Variants in SNRPN observed in about 807,000 individuals in gnomAD.
SNRPN encodes the protein small nuclear ribonucleoprotein-associated protein N.
SNRPN carries 7 observed loss-of-function variants against 25.2 expected under a neutral mutation model. The ratio of observed to expected loss-of-function variants is 0.28; its 90% CI spans 0.16 to 0.52. The LOEUF (loss-of-function observed/expected upper bound fraction) is 0.52, where lower values mean the gene tolerates loss of function less well. Ranked by LOEUF, SNRPN falls within the 20% of genes least tolerant of loss-of-function variation. The pLI is 0.96. For synonymous variants in SNRPN, 124 were observed against 110.6 expected, an observed-to-expected ratio of 1.12 and a Z score of -0.76; for missense variants, 196 against 322.5, an observed-to-expected ratio of 0.61 and a Z score of 3.00.
At chr15:24,877,582 T>C (rs1050498554) in intron 1 of SNRPN, among the ~76,000 whole-genome samples, 4 of 151,342 alleles carry the variant, frequency 2.6e-5, no homozygotes, top group Admixed American at 2.6e-4. Context: ...CCCAGCACTT[T>C]GGGAGGCCAA....
In SNRPN at chr15:24,864,133, TCTC is replaced by T. The variant is rs2054291701; in HGVS notation, c.-579+7420_-579+7422del. On this transcript the variant is annotated intron_variant, in intron 1 of 11. Coordinates refer to the SNRPN transcript ENST00000400097. The stretch of plus-strand genomic sequence containing the variant: ...GCTCCGCCTCCCGGGTTCACACTAT[TCTC>T]CTGCCTCAGCCTCCCAAGTAGCTGG... Among the ~76,000 whole-genome samples, 5 of 148,766 alleles carry T rather than the reference TCTC, an allele frequency of 3.4e-5. No individual in the cohort carries two copies. In the South Asian group the frequency reaches 1.0e-3, roughly 31 times the overall value.
chr15:24,976,362 G>A lies in SNRPN; in HGVS notation c.213G>A (p.Leu71=), dbSNP rs1490146254. The change falls in exon 6 of 10, where the codon TTG becomes TTA. Residue 71 remains leucine, a synonymous_variant. Transcript: ENST00000390687. ...AAAAGCGGGTTTTGGGTCTGGTGTT[G>A]CTGCGTGGGGAGAACTTGGTATCCA... is the stretch of plus-strand genomic sequence containing the variant. ...REEKRVLGLV[L]LRGENLVSMT... The A allele has an allele frequency of 1.4e-5, 23 of 1,613,144 alleles. No homozygotes were observed. The highest frequency in any genetic ancestry group is 1.9e-5 in the Non-Finnish European group (22 of 1,179,826).
chr15:24,922,995 T>C (rs1187672872), intron 3 of SNRPN, among the ~76,000 whole-genome samples: 1 of 135,484 alleles, frequency 7.4e-6, no homozygotes, highest in East Asian at 2.6e-4. Context: ...AACCTCCGCC[T>C]TCTGCATTGA....
intron 3 of SNRPN, among the ~76,000 whole-genome samples, chr15:24,940,643 A>G (rs763724365): frequency 3.9e-5 from 6 of 152,176 alleles, no homozygotes; most frequent in Non-Finnish European, 8.8e-5. Context: ...GACTACGTGC[A>G]GTGAGGAAGA....
upstream of SNRPN, among the ~76,000 whole-genome samples, chr15:24,952,320 T>C (rs1340910114): frequency 6.6e-6 from 1 of 152,190 alleles, no homozygotes; most frequent in Non-Finnish European, 1.5e-5. Context: ...GCAGTTTTAG[T>C]GTCCTTTAAG....
upstream of SNRPN, among the ~76,000 whole-genome samples, chr15:24,951,407 A>G (rs2062259351): frequency 6.6e-6 from 1 of 151,632 alleles, no homozygotes; most frequent in Non-Finnish European, 1.5e-5. Context: ...TGACTTAACG[A>G]TTGTGTCTTT....
At chr15:24,887,078 T>C (rs181394271) in intron 2 of SNRPN, among the ~76,000 whole-genome samples, 34 of 152,146 alleles carry the variant, frequency 2.2e-4, no homozygotes, top group Admixed American at 1.0e-3. Flanking sequence ...CCATCTTATC[T>C]TCTCCTTTGT....
At chr15:24,851,664 G>A (rs544705883), upstream of SNRPN, 1 of 152,390 alleles carries the variant, frequency 6.6e-6, no homozygotes, top group African/African-American at 2.4e-5. Flanking sequence ...TGTGCTGGTA[G>A]TTCAAATATC....
intron 1 of SNRPN, among the ~76,000 whole-genome samples, chr15:24,866,554 T>G (rs541570102): frequency 1.4e-4 from 21 of 152,264 alleles, no homozygotes; most frequent in Non-Finnish European, 1.5e-5. Flanking sequence ...CACACCACCA[T>G]GCCCAGCTAA....
intron 2 of SNRPN, among the ~76,000 whole-genome samples, chr15:24,905,312 C>T (rs1488546952): frequency 6.6e-6 from 1 of 151,588 alleles, no homozygotes; most frequent in African/African-American, 2.4e-5. Flanking sequence ...AGTTCGAGAC[C>T]AGCCTGGCCA....
At chr15:24,857,152 A>G (rs2053478844) in intron 1 of SNRPN, among the ~76,000 whole-genome samples, 1 of 152,210 alleles carries the variant, frequency 6.6e-6, no homozygotes, top group Non-Finnish European at 1.5e-5. Flanking sequence ...TCTAATTGTA[A>G]AAGGTAGACA....
intron 2 of SNRPN, among the ~76,000 whole-genome samples, chr15:24,830,700 A>C (rs1229601548): frequency 6.6e-6 from 1 of 152,116 alleles, no homozygotes; most frequent in African/African-American, 2.4e-5. Context: ...TATTATTTGG[A>C]AATGAATTAT....
chr15:24,863,090 A>G (rs2054151926), intron 1 of SNRPN, among the ~76,000 whole-genome samples: 1 of 150,656 alleles, frequency 6.6e-6, no homozygotes, highest in African/African-American at 2.5e-5. Context: ...GACAAGGAAG[A>G]CAGTTGGAAC....
In SNRPN at chr15:24,931,458, A is replaced by C. The variant is rs549507755; in HGVS notation, c.-391+11334A>C. 2.0e-5 allele frequency among the ~76,000 whole-genome samples: 3 copies of C among 152,200 alleles called. No homozygotes were observed. The East Asian group carries it at 5.8e-4, about 30-fold the overall frequency. ...AAAGGAAGAATGAAGCTGGGTGTCT[A>C]CTGGACACTGGAATGAAGCTACTGC... On this transcript the variant is annotated intron_variant, in intron 3 of 11. Coordinates refer to the SNRPN transcript ENST00000400097.
chr15:24,856,748 T>C (rs1420520755), intron 1 of SNRPN: 6 of 152,234 alleles, frequency 3.9e-5, no homozygotes, highest in African/African-American at 1.4e-4. Context: ...GTGTTTTTGT[T>C]TTAAGGTCCA....
At chr15:24,933,857 A>G (rs1774082349) in intron 3 of SNRPN, among the ~76,000 whole-genome samples, 1 of 152,220 alleles carries the variant, frequency 6.6e-6, no homozygotes, top group African/African-American at 2.4e-5. Context: ...ATTGGAAAAC[A>G]GAAAGAATGA....
intron 1 of SNRPN, chr15:24,958,957 GT>G (rs1163967370): frequency 6.6e-6 from 1 of 152,310 alleles, no homozygotes; most frequent in East Asian, 1.9e-4. Flanking sequence ...GACTCAAGCA[GT>G]GCCCCTGCCT....
At chr15:24,860,588 A>G (rs2053902943) in intron 1 of SNRPN, among the ~76,000 whole-genome samples, 1 of 152,220 alleles carries the variant, frequency 6.6e-6, no homozygotes, top group African/African-American at 2.4e-5. Context: ...TACCTAACTT[A>G]GTTAAAATCA....
chr15:24,896,637 C>T (rs1299455038), intron 2 of SNRPN, among the ~76,000 whole-genome samples: 1 of 151,980 alleles, frequency 6.6e-6, no homozygotes, highest in African/African-American at 2.4e-5. Context: ...TGGTGTAAAC[C>T]TGGGAGGCGG....
Sources: allele counts gnomAD v4.1 joint callset (sites outside exome capture counted in the v4.1 genomes callset), GRCh38; gene constraint gnomAD v4.1.1; transcripts MANE v1.5; gene names NCBI Gene and HGNC (gene_info 2026-07-23, HGNC 2026-07-21).